The following NELL1 variants were observed in gnomAD, a reference collection of about 807,000 sequenced individuals.
NELL1 encodes the protein protein kinase C-binding protein NELL1.
A neutral mutation model predicts 107.4 loss-of-function variants in NELL1; 76 were observed. The ratio of observed to expected loss-of-function variants is 0.71; its 90% confidence interval spans 0.59 to 0.86. The LOEUF (loss-of-function observed/expected upper bound fraction) is 0.86, where lower values mean the gene tolerates loss of function less well. Among genes scored for constraint, NELL1 ranks in the 40% least tolerant of loss-of-function variants. The pLI, the probability that NELL1 is intolerant of heterozygous loss-of-function variation, is 0.00. For synonymous variants in NELL1, 353 were observed against 341.2 expected (o/e 1.03, Z -0.38); for missense variants, 1,024 against 1,005.5 (o/e 1.02, Z -0.25).
At position 20,843,376 on chromosome 11, in the gene NELL1, AT is replaced by A; in HGVS notation, c.336-4206del. ...TGATATATTTCTCTGAATAGCTAGT[AT>A]ATATCCTTGTAGAATAACTGGAAAA... On this transcript the variant is annotated intron_variant, in intron 3 of 19. Transcript: ENST00000357134. Among the ~76,000 whole-genome samples the A allele has an allele frequency of 1.3e-5, 2 of 152,224 alleles. 1 individual carries two copies. The highest frequency in any genetic ancestry group is 4.1e-4 in the South Asian group (2 of 4,826).
chr11:21,377,765 G>A (rs1851514268), intron 15 of NELL1, among the ~76,000 whole-genome samples: 1 of 151,886 alleles, frequency 6.6e-6, no homozygotes, highest in Non-Finnish European at 1.5e-5. Flanking sequence ...TTCAGTATTG[G>A]GAGATAATGT....
intron 15 of NELL1, among the ~76,000 whole-genome samples, chr11:21,427,447 CTT>C (rs935863567): frequency 2.0e-5 from 3 of 152,192 alleles, no homozygotes; most frequent in African/African-American, 7.2e-5. Flanking sequence ...ACTTTGAAAA[CTT>C]GGGATATTGC....
chr11:21,431,898 T>A (rs1395065414), intron 15 of NELL1, among the ~76,000 whole-genome samples: 1 of 152,218 alleles, frequency 6.6e-6, no homozygotes, highest in Non-Finnish European at 1.5e-5. Flanking sequence ...TGAGTTTTTA[T>A]GTTGAACTCA....
chr11:21,135,760 C>G (rs987396962), intron 13 of NELL1, among the ~76,000 whole-genome samples: 2 of 151,928 alleles, frequency 1.3e-5, no homozygotes, highest in Non-Finnish European at 1.5e-5. Flanking sequence ...AGTAGTTGCT[C>G]AATAAATATT....
At chr11:21,186,526 T>C (rs1174082151) in intron 13 of NELL1, among the ~76,000 whole-genome samples, 1 of 151,902 alleles carries the variant, frequency 6.6e-6, no homozygotes, top group Non-Finnish European at 1.5e-5. Context: ...GATATTTTAA[T>C]TGCTCATCTC....
intron 13 of NELL1, among the ~76,000 whole-genome samples, chr11:21,118,029 T>C (rs1029810688): frequency 1.4e-4 from 22 of 152,092 alleles, no homozygotes; most frequent in Non-Finnish European, 7.4e-5. Context: ...ATATGGTTTA[T>C]TTTGACATGA....
In NELL1 at chr11:21,062,820, A is replaced by G. The variant is rs149985213; in HGVS notation, c.1301-50769A>G. The stretch of plus-strand genomic sequence containing the variant: ...GTTTTCCTTTTTTGTTTGTTTGTTT[A>G]TTTATTTATTTATTTATTTATTTTT... On this transcript the variant is annotated intron_variant, in intron 12 of 19. Transcript: ENST00000357134. Among the ~76,000 whole-genome samples the G allele has an allele frequency of 7.3e-5, 11 of 151,198 alleles. No individual in the cohort carries two copies. In the East Asian group the frequency reaches 9.7e-4, roughly 13 times the overall value.
Position 21,068,032 on chromosome 11 carries a change from C to CAAAAAAAAAA in NELL1, c.1301-45539_1301-45530dup, listed in dbSNP as rs1195285619. Among the ~76,000 whole-genome samples, 55 of 40,376 alleles carry CAAAAAAAAAA rather than the reference C, an allele frequency of 1.4e-3. 8 individuals carry two copies. The highest frequency in any genetic ancestry group is 5.3e-3 in the East Asian group (6 of 1,142). The allele number at this position is 40,376 out of a possible 152,430, so 26.5% of individuals were successfully genotyped here. A position where few individuals can be genotyped will look rare whatever the true frequency, so the allele number is the denominator to read the frequency against. ...TGGGCAACAGAGTGAGATGCCATCT[C>CAAAAAAAAAA]AAAAAAAAAAAAAAAAAAAAAAAAA... is the stretch of plus-strand genomic sequence containing the variant. On this transcript the variant is annotated intron_variant, in intron 12 of 19. Transcript: ENST00000357134.
chr11:20,776,835 AGT>A (rs1043412527), intron 2 of NELL1, among the ~76,000 whole-genome samples: 3 of 152,204 alleles, frequency 2.0e-5, no homozygotes, highest in African/African-American at 7.2e-5. Context: ...GGAATATCAC[AGT>A]CGACTCTGCT....
chr11:21,128,744 T>G (rs1382171136), intron 13 of NELL1, among the ~76,000 whole-genome samples: 3 of 152,184 alleles, frequency 2.0e-5, no homozygotes, highest in Admixed American at 2.0e-4. Flanking sequence ...AGTAAATGAC[T>G]GTTACATCAC....
intron 3 of NELL1, among the ~76,000 whole-genome samples, chr11:20,822,017 G>T (rs754617505): frequency 6.6e-6 from 1 of 152,162 alleles, no homozygotes; most frequent in African/African-American, 2.4e-5. Flanking sequence ...TTCTACCAAG[G>T]ATATTAAAGT....
chr11:20,989,591 G>T (rs1485344633), intron 12 of NELL1, among the ~76,000 whole-genome samples: 2 of 152,162 alleles, frequency 1.3e-5, no homozygotes, highest in Non-Finnish European at 2.9e-5. Flanking sequence ...ATTAGCTGGG[G>T]TATAAAGCAT....
chr11:21,037,903 T>C (rs996488871), intron 12 of NELL1, among the ~76,000 whole-genome samples: 1 of 152,338 alleles, frequency 6.6e-6, no homozygotes, highest in Non-Finnish European at 1.5e-5. Flanking sequence ...CCAGTTCTTT[T>C]TGACTGATTA....
intron 15 of NELL1, among the ~76,000 whole-genome samples, chr11:21,512,991 T>G (rs1000060106): frequency 6.6e-6 from 1 of 151,996 alleles, no homozygotes; most frequent in African/African-American, 2.4e-5. Flanking sequence ...AAGAGTGGGG[T>G]TAATGGCACC....
At chr11:21,514,528 C>A (rs1855510524) in intron 15 of NELL1, among the ~76,000 whole-genome samples, 2 of 152,352 alleles carry the variant, frequency 1.3e-5, no homozygotes, top group South Asian at 2.1e-4. Flanking sequence ...TCCTCATGTT[C>A]TGCCAGTTGT....
chr11:21,510,979 C>A (rs1855421511), intron 15 of NELL1, among the ~76,000 whole-genome samples: 1 of 152,088 alleles, frequency 6.6e-6, no homozygotes, highest in South Asian at 2.1e-4. Context: ...CCTTCAATTT[C>A]CAGCTGTATG....
At chr11:20,999,334 C>T (rs1261814285) in intron 12 of NELL1, among the ~76,000 whole-genome samples, 3 of 152,176 alleles carry the variant, frequency 2.0e-5, no homozygotes, top group Non-Finnish European at 4.4e-5. Context: ...CTCATCCTCA[C>T]CTCAGTCTGT....
chr11:20,928,323 A>G (rs2134173134), intron 8 of NELL1, 54 bp from the exon 9 acceptor site: 1 of 1,464,122 alleles, frequency 6.8e-7, no homozygotes, highest in East Asian at 2.3e-5. Context: ...TCTCCACAAC[A>G]GGAGCTATCA....
intron 2 of NELL1, among the ~76,000 whole-genome samples, chr11:20,736,412 G>C (rs779522421): frequency 2.6e-5 from 4 of 152,094 alleles, no homozygotes; most frequent in Non-Finnish European, 4.4e-5. Context: ...AGATGCCTAC[G>C]CTGCCCTCAC....
Sources: gnomAD v4.1 joint callset for allele counts (sites outside exome capture counted in the v4.1 genomes callset) on GRCh38, gnomAD v4.1.1 for gene constraint, MANE v1.5 for transcripts, NCBI Gene and HGNC (gene_info 2026-07-23, HGNC 2026-07-21) for gene names.